The following TSPEAR variants were observed in gnomAD, a reference collection of about 807,000 sequenced individuals.
TSPEAR encodes the protein thrombospondin-type laminin G domain and EAR repeat-containing protein.
TSPEAR carries 69 observed loss-of-function variants against 71.6 expected under a neutral mutation model. The ratio of observed to expected loss-of-function variants is 0.96; its 90% CI spans 0.79 to 1.18. The LOEUF (loss-of-function observed/expected upper bound fraction) is 1.18. Among genes scored for constraint, TSPEAR ranks in the 50% most tolerant of loss-of-function variants. The pLI is 0.00. For missense variants in TSPEAR, 971 were observed against 894.9 expected, an observed-to-expected ratio of 1.09 and a Z score of -1.09; for synonymous variants, 402 against 387.2, an observed-to-expected ratio of 1.04 and a Z score of -0.45.
At chr21:44,613,905 T>C (rs1341385886) in intron 1 of TSPEAR, among the ~76,000 whole-genome samples, 5 of 152,094 alleles carry the variant, frequency 3.3e-5, no homozygotes, top group Non-Finnish European at 7.4e-5. Context: ...AGGCCAGGCC[T>C]GGCCAGGTTC....
rs1339920067 is a variant in TSPEAR, at chr21:44,695,738, G to A, written c.82+15695C>T. Among the ~76,000 whole-genome samples, 69 of 152,136 alleles carry A rather than the reference G, an allele frequency of 4.5e-4. No homozygotes were observed. The highest frequency in any genetic ancestry group is 1.5e-4 in the Non-Finnish European group (10 of 68,032). ...GCCAGGGTTCTCATCTCACCGCAGC[G>A]GGACAGGGGTACACGCCACACACCA... On this transcript the variant is annotated intron_variant, in intron 1 of 11. Coordinates refer to ENST00000323084, the MANE Select transcript of TSPEAR (RefSeq NM_144991.3). The surrounding 1 kb of genome is among the most constrained non-coding windows in gnomAD (Gnocchi z 4.5).
At chr21:44,656,864 C>T (rs1985179933) in intron 1 of TSPEAR, among the ~76,000 whole-genome samples, 1 of 152,174 alleles carries the variant, frequency 6.6e-6, no homozygotes, top group Non-Finnish European at 1.5e-5. Context: ...TCTTTCTCCT[C>T]TTCTTGAGAC....
At chr21:44,616,880 G>A (rs1211252644) in intron 1 of TSPEAR, among the ~76,000 whole-genome samples, 4 of 152,184 alleles carry the variant, frequency 2.6e-5, no homozygotes, top group African/African-American at 9.7e-5. Flanking sequence ...TTTGCTTCTG[G>A]GGCCGAACAA....
Position 44,577,756 on chromosome 21 carries a change from G to GT in TSPEAR, c.83-9752dup, listed in dbSNP as rs1229445439. Reference sequence around the variant, plus strand: ...AGGGAAATAAATAAAACCAAACCTAGTTTTTTTAAAGACAAATGAAATTGG... The same window carrying GT: ...AGGGAAATAAATAAAACCAAACCTAGTTTTTTTTAAAGACAAATGAAATTGG... On this transcript the variant is annotated intron_variant, in intron 1 of 11. Coordinates refer to ENST00000323084, the MANE Select transcript of TSPEAR (RefSeq NM_144991.3). 3.9e-5 allele frequency among the ~76,000 whole-genome samples: 6 copies of GT among 152,122 alleles called. No individual in the cohort carries two copies. In the South Asian group the frequency reaches 8.3e-4, roughly 21 times the overall value.
chr21:44,528,784 A>T (rs587627519), intron 5 of TSPEAR, among the ~76,000 whole-genome samples: 1 of 152,354 alleles, frequency 6.6e-6, no homozygotes, highest in African/African-American at 2.4e-5. Context: ...GACGAAGGAC[A>T]TCATGATGCC....
chr21:44,502,826 G>A (rs1227608967), intron 11 of TSPEAR, among the ~76,000 whole-genome samples: 1 of 149,896 alleles, frequency 6.7e-6, no homozygotes, highest in African/African-American at 2.4e-5. Context: ...AAGGCTCTGG[G>A]AGGAGGCCGG....
At chr21:44,679,237 T>A (rs1986465393) in intron 1 of TSPEAR, among the ~76,000 whole-genome samples, 1 of 152,070 alleles carries the variant, frequency 6.6e-6, no homozygotes. Flanking sequence ...CCTCTCAGCT[T>A]CCTTGAACTT....
chr21:44,690,526 C>G, intron 1 of TSPEAR: 2 of 984,550 alleles, frequency 2.0e-6, no homozygotes, highest in Non-Finnish European at 2.4e-6. Context: ...ATCAGCAGCA[C>G]TGAAGGCTAC....
intron 10 of TSPEAR, chr21:44,508,870 T>A: frequency 7.0e-7 from 1 of 1,432,302 alleles, no homozygotes. Flanking sequence ...GGGCCTCGGC[T>A]ATCCCTCCGC....
chr21:44,518,796 C>T (rs962232914), intron 9 of TSPEAR: 12 of 429,558 alleles, frequency 2.8e-5, no homozygotes, highest in Non-Finnish European at 5.9e-5. Context: ...CTGGTTCTGG[C>T]AAAGCTCCTC....
intron 1 of TSPEAR, among the ~76,000 whole-genome samples, chr21:44,596,009 G>C (rs868958667): frequency 6.6e-6 from 1 of 152,170 alleles, no homozygotes; most frequent in South Asian, 2.1e-4. Context: ...CTCGGTTTCT[G>C]TGGGTCAGGA....
chr21:44,711,235 T>C lies in TSPEAR; in HGVS notation c.82+198A>G, dbSNP rs73909253. 4.7e-3 allele frequency among the ~76,000 whole-genome samples: 711 copies of C among 152,024 alleles called. 6 individuals carry two copies. Among genetic ancestry groups the C allele is most frequent in the African/African-American group, 0.016 (671 of 41,448 alleles). On this transcript the variant is annotated intron_variant, in intron 1 of 11. Coordinates refer to ENST00000323084, the MANE Select transcript of TSPEAR (RefSeq NM_144991.3). This position sits in a 1 kb window ranked among gnomAD's most constrained non-coding sequence, Gnocchi z 4.5. ...GAGCCGCGTTTCTATTGCAACTGCC[T>C]GCCCTGCGCTTTCATCTTCCCCACC... is the stretch of plus-strand genomic sequence containing the variant.
chr21:44,694,980 G>C (rs77158910), intron 1 of TSPEAR, among the ~76,000 whole-genome samples: 3 of 152,240 alleles, frequency 2.0e-5, no homozygotes, highest in African/African-American at 7.2e-5. Context: ...CCCTGGACTT[G>C]CCCCAAGGGG....
intron 1 of TSPEAR, among the ~76,000 whole-genome samples, chr21:44,691,767 T>G (rs1987132621): frequency 6.6e-6 from 1 of 152,222 alleles, no homozygotes; most frequent in Non-Finnish European, 1.5e-5. Flanking sequence ...GCTTTACTGG[T>G]GAATATCACC....
chr21:44,542,280 A>G (rs374077966), intron 2 of TSPEAR, among the ~76,000 whole-genome samples: 63 of 152,368 alleles, frequency 4.1e-4, no homozygotes, highest in African/African-American at 1.5e-3. Context: ...GATGGGAAAG[A>G]AAAGAGGGAA....
In TSPEAR at chr21:44,525,719, C is replaced by G. The variant is rs782579545; in HGVS notation, c.1270G>C (p.Ala424Pro). 1 of 1,614,050 alleles carries G rather than the reference C, an allele frequency of 6.2e-7. No individual in the cohort carries two copies. Residue 424 changes from alanine to proline, a missense_variant, in exon 8 of 12, where the codon GCC becomes CCC. By Grantham distance (27) the Ala-to-Pro change is conservative. Coordinates refer to ENST00000323084, the MANE Select transcript of TSPEAR (RefSeq NM_144991.3). ...ACCTCGAAGGCCTCCCAGTCTCGGGCGCTGTGTGTGGCAATGCTCTGATAT... is the reference window on the plus strand; with the variant it reads ...ACCTCGAAGGCCTCCCAGTCTCGGGGGCTGTGTGTGGCAATGCTCTGATAT... Reference protein sequence around the residue: ...TPYQSIATHSARDWEAFEVDG... With the variant: ...TPYQSIATHSPRDWEAFEVDG...
chr21:44,525,953 G>T, intron 7 of TSPEAR, 114 bp from the exon 8 acceptor site: 1 of 1,097,552 alleles, frequency 9.1e-7, no homozygotes, highest in Non-Finnish European at 1.3e-6. Flanking sequence ...CTGCTACGTG[G>T]TGCAGGGACA....
intron 1 of TSPEAR, chr21:44,654,454 G>T: frequency 6.2e-7 from 1 of 1,614,060 alleles, no homozygotes; most frequent in Non-Finnish European, 8.5e-7. Flanking sequence ...CTGGCAGCAG[G>T]TGGATACCCC....
chr21:44,560,688 C>T (rs2053619749), intron 2 of TSPEAR, among the ~76,000 whole-genome samples: 1 of 152,188 alleles, frequency 6.6e-6, no homozygotes, highest in South Asian at 2.1e-4. Flanking sequence ...TCACTCAAAA[C>T]CACACAACTA....
Sources: gnomAD v4.1 joint callset for allele counts (sites outside exome capture counted in the v4.1 genomes callset) on GRCh38, gnomAD v4.1.1 for gene constraint, Gnocchi (gnomAD v3.1) non-coding constraint, MANE v1.5 for transcripts, NCBI Gene and HGNC (gene_info 2026-07-23, HGNC 2026-07-21) for gene names.